Variants in NCAM2 observed in about 807,000 individuals in gnomAD.
NCAM2 encodes the protein neural cell adhesion molecule 2.
In NCAM2, 30 loss-of-function variants were observed where a neutral mutation model predicts 98.1. The observed-to-expected ratio is 0.31, with a 90% CI of 0.23 to 0.41. NCAM2 has a LOEUF of 0.41. Among genes scored for constraint, NCAM2 ranks in the 10% least tolerant of loss-of-function variants. NCAM2 has a pLI of 1.00. For synonymous variants in NCAM2, 368 were observed against 342.4 expected (o/e 1.07, Z -0.83); for missense variants, 867 against 1,005.8 (o/e 0.86, Z 1.87).
At chr21:21,460,581 G>T (rs1350619689) in intron 12 of NCAM2, among the ~76,000 whole-genome samples, 1 of 151,894 alleles carries the variant, frequency 6.6e-6, no homozygotes, top group Non-Finnish European at 1.5e-5. Context: ...TGCTCTCATT[G>T]GGTCAGTTTT....
At chr21:21,336,702 G>C (rs2074880707) in intron 7 of NCAM2, among the ~76,000 whole-genome samples, 1 of 152,128 alleles carries the variant, frequency 6.6e-6, no homozygotes, top group Admixed American at 6.6e-5. Context: ...CATTTTCTGA[G>C]CTAGAGAGAT....
At chr21:21,319,620 G>A (rs1344305412) in intron 5 of NCAM2, among the ~76,000 whole-genome samples, 3 of 152,108 alleles carry the variant, frequency 2.0e-5, no homozygotes, top group East Asian at 1.9e-4. Context: ...CAGCCTGTCC[G>A]ACAGAGTGAG....
At chr21:21,378,994 A>G (rs2076092830) in intron 9 of NCAM2, among the ~76,000 whole-genome samples, 1 of 152,084 alleles carries the variant, frequency 6.6e-6, no homozygotes, top group South Asian at 2.1e-4. Context: ...TACCTAATTT[A>G]AGGCCATGAC....
At chr21:21,275,784 C>T (rs1263930380) in intron 1 of NCAM2, among the ~76,000 whole-genome samples, 1 of 152,032 alleles carries the variant, frequency 6.6e-6, no homozygotes, top group Admixed American at 6.6e-5. Flanking sequence ...CACAAGATAC[C>T]CTCTTGTTTT....
At chr21:21,320,827 A>G (rs1460469816) in intron 5 of NCAM2, among the ~76,000 whole-genome samples, 1 of 152,206 alleles carries the variant, frequency 6.6e-6, no homozygotes, top group Non-Finnish European at 1.5e-5. Context: ...TATCAAAGGA[A>G]GGTTCTTAAA....
intron 7 of NCAM2, 93 bp downstream of exon 7, chr21:21,335,758 C>T (rs1371866671): frequency 9.8e-7 from 1 of 1,024,100 alleles, no homozygotes; most frequent in Non-Finnish European, 1.3e-6. Context: ...TTAAACTTTC[C>T]ATATTAAATC....
intron 16 of NCAM2, among the ~76,000 whole-genome samples, chr21:21,533,074 GT>G (rs900892448): frequency 1.3e-4 from 19 of 147,870 alleles, no homozygotes; most frequent in Non-Finnish European, 9.0e-5. Context: ...GATCAAAAGT[GT>G]TTTATATCCT....
chr21:21,395,902 T>C (rs946447816), intron 9 of NCAM2, among the ~76,000 whole-genome samples: 2 of 151,922 alleles, frequency 1.3e-5, no homozygotes, highest in African/African-American at 2.4e-5. Context: ...CCTGAAACCA[T>C]AAAAATCCTA....
chr21:21,212,145 G>A (rs1421065012), intron 1 of NCAM2, among the ~76,000 whole-genome samples: 2 of 152,040 alleles, frequency 1.3e-5, no homozygotes, highest in Non-Finnish European at 2.9e-5. Flanking sequence ...GCCAAAAACC[G>A]GAATCAACCC....
chr21:21,260,126 A>C (rs535159083), intron 1 of NCAM2, among the ~76,000 whole-genome samples: 3 of 151,832 alleles, frequency 2.0e-5, no homozygotes, highest in Non-Finnish European at 2.9e-5. Context: ...CAATTTTACA[A>C]ATTAACCCAG....
At chr21:21,021,050 G>A (rs1490152431) in intron 1 of NCAM2, among the ~76,000 whole-genome samples, 1 of 152,138 alleles carries the variant, frequency 6.6e-6, no homozygotes, top group Non-Finnish European at 1.5e-5. Flanking sequence ...TACAACACAG[G>A]AAAGGAAAAC....
chr21:21,050,068 C>A (rs1055238793), intron 1 of NCAM2, among the ~76,000 whole-genome samples: 1 of 151,420 alleles, frequency 6.6e-6, no homozygotes, highest in Admixed American at 6.6e-5. Context: ...AATGACTTCT[C>A]AAGTTGACTA....
At chr21:21,206,385 G>A (rs2069438701) in intron 1 of NCAM2, among the ~76,000 whole-genome samples, 1 of 152,082 alleles carries the variant, frequency 6.6e-6, no homozygotes. Flanking sequence ...AGTTGTGTAT[G>A]GAAGAATATA....
At chr21:21,500,460 T>C (rs1332893063) in intron 15 of NCAM2, among the ~76,000 whole-genome samples, 1 of 152,148 alleles carries the variant, frequency 6.6e-6, no homozygotes, top group Non-Finnish European at 1.5e-5. Context: ...TGTTACATTG[T>C]GCTCGGATTG....
intron 1 of NCAM2, among the ~76,000 whole-genome samples, chr21:21,150,196 T>C (rs1484861864): frequency 1.3e-5 from 2 of 152,220 alleles, no homozygotes; most frequent in Non-Finnish European, 2.9e-5. Context: ...AGAAATACAA[T>C]TAATTATTGC....
At chr21:21,336,103 A>G (rs1195285150) in intron 7 of NCAM2, among the ~76,000 whole-genome samples, 2 of 152,172 alleles carry the variant, frequency 1.3e-5, no homozygotes, top group African/African-American at 2.4e-5. Context: ...TAAGATAAAT[A>G]TCTTCCATAT....
rs964451649 is a variant in NCAM2, at chr21:21,334,798, G to A, written c.738-707G>A. On this transcript the variant is annotated intron_variant, in intron 6 of 17. Transcript: ENST00000400546. Reference sequence around the variant, plus strand: ...TAAAAAATGTTTGAAAGCCGTGGTTGGTTTTAAAGGACAACTTAGACTAGA... The same window carrying A: ...TAAAAAATGTTTGAAAGCCGTGGTTAGTTTTAAAGGACAACTTAGACTAGA... Among the ~76,000 whole-genome samples, 5 of 151,956 alleles carry A rather than the reference G, an allele frequency of 3.3e-5. No homozygotes were observed. In the East Asian group the frequency reaches 9.6e-4, roughly 29 times the overall value.
intron 9 of NCAM2, among the ~76,000 whole-genome samples, chr21:21,401,745 G>A (rs2076635322): frequency 6.6e-6 from 1 of 152,106 alleles, no homozygotes; most frequent in Admixed American, 6.6e-5. Flanking sequence ...GAATAATGCT[G>A]CAATTAATAT....
chr21:21,119,276 T>A (rs1191029889), intron 1 of NCAM2, among the ~76,000 whole-genome samples: 1 of 152,196 alleles, frequency 6.6e-6, no homozygotes, highest in African/African-American at 2.4e-5. Flanking sequence ...TTCTAAGTGC[T>A]TGTTTTCAGC....
Sources: allele counts gnomAD v4.1 joint callset (sites outside exome capture counted in the v4.1 genomes callset), GRCh38; gene constraint gnomAD v4.1.1; transcripts MANE v1.5; gene names NCBI Gene and HGNC (gene_info 2026-07-23, HGNC 2026-07-21).